The following ERRFI1 variants were observed in gnomAD, a reference collection of about 807,000 sequenced individuals.
ERRFI1 encodes the protein ERBB receptor feedback inhibitor 1.
A neutral mutation model predicts 14.6 loss-of-function variants in ERRFI1; 12 were observed. That is an observed-to-expected ratio of 0.82 (90% CI 0.53 to 1.33). The LOEUF (loss-of-function observed/expected upper bound fraction) is 1.33. Among genes scored for constraint, ERRFI1 ranks in the 40% most tolerant of loss-of-function variants. The pLI is 0.00. For missense variants in ERRFI1, 482 were observed against 572.1 expected, an observed-to-expected ratio of 0.84 and a Z score of 1.61; for synonymous variants, 202 against 209.9, an observed-to-expected ratio of 0.96 and a Z score of 0.32.
intron 1 of ERRFI1, among the ~76,000 whole-genome samples, chr1:8,025,799 C>CG (rs923825162): frequency 5.9e-5 from 9 of 152,162 alleles, no homozygotes; most frequent in African/African-American, 2.2e-4. Context: ...CCCGGTGCTG[C>CG]GGGGACGTAT....
intron 1 of ERRFI1, among the ~76,000 whole-genome samples, chr1:8,018,112 T>G (rs572706094): frequency 6.6e-6 from 1 of 152,196 alleles, no homozygotes; most frequent in African/African-American, 2.4e-5. Flanking sequence ...AATGGGGAAT[T>G]GTGAATGGGC....
rs956039912 is a variant in ERRFI1, at chr1:8,013,004, T to A, written c.*206A>T. 5 of 557,228 alleles carry A rather than the reference T, an allele frequency of 9.0e-6. No individual in the cohort carries two copies. The highest frequency in any genetic ancestry group is 5.9e-5 in the East Asian group (2 of 33,870). The allele number at this position is 557,228 out of a possible 1,614,324, so 34.5% of individuals were successfully genotyped here. ...ACCATCACATCTTTAAATTATAGAC[T>A]TGTAAGACTTTTTTCCAACACTAAC... On this transcript the variant is annotated 3_prime_UTR_variant, in exon 4 of 4. Coordinates refer to ENST00000377482, the MANE Select transcript of ERRFI1 (RefSeq NM_018948.4). The surrounding 1 kb of genome is among the most constrained non-coding windows in gnomAD (Gnocchi z 4.3).
intron 1 of ERRFI1, among the ~76,000 whole-genome samples, chr1:8,016,329 T>C (rs1046121992): frequency 1.4e-4 from 21 of 152,174 alleles, no homozygotes; most frequent in African/African-American, 5.1e-4. Context: ...CTAATTTCCA[T>C]TATCCTGTAA....
intron 3 of ERRFI1, chr1:8,014,656 C>T: frequency 2.3e-6 from 1 of 443,818 alleles, no homozygotes; most frequent in South Asian, 5.1e-5. Flanking sequence ...ACCCACACAT[C>T]ACAGGCAAGT....
At chr1:8,014,674 C>T (rs987421953) in intron 3 of ERRFI1, 19 of 410,858 alleles carry the variant, frequency 4.6e-5, no homozygotes, top group South Asian at 1.7e-4. Flanking sequence ...AGTTTTGTGA[C>T]GTGTGTAAAA....
Position 8,013,890 on chromosome 1 carries a change from G to A in ERRFI1, c.709C>T (p.Pro237Ser). 6.2e-7 allele frequency: 1 copy of A among 1,614,058 alleles called. No homozygotes were observed. Among genetic ancestry groups the A allele is most frequent in the African/African-American group, 1.3e-5 (1 of 75,018 alleles). The stretch of plus-strand genomic sequence containing the variant: ...CTTCGGTGGGTCTGAGGTGGAGGAG[G>A]ATTTGGATCTGGGACACCTCCATTT... ...DQNGGVPDPN[P>S]PPPQTHRRLR... Residue 237 changes from proline (P) to serine (S), a missense_variant, in exon 4 of 4, where the codon CCT (proline) becomes TCT (serine). Coordinates refer to ENST00000377482, the MANE Select transcript of ERRFI1 (RefSeq NM_018948.4). This position sits in a 1 kb window ranked among gnomAD's most constrained non-coding sequence, Gnocchi z 4.3.
At position 8,012,378 on chromosome 1, in the gene ERRFI1, T is replaced by C. The variant is rs1007609809; in HGVS notation, c.*832A>G. The C allele has an allele frequency of 1.1e-4, 26 of 231,002 alleles. No homozygotes were observed. Among genetic ancestry groups the C allele is most frequent in the Non-Finnish European group, 2.1e-4 (24 of 116,370 alleles). The allele number at this position is 231,002 out of a possible 1,614,324, so 14.3% of individuals were successfully genotyped here. ...CTAACACTGGCACCTAGAATACTTT[T>C]CCATCTGAGTCTAACGTACCCCACT... On this transcript the variant is annotated 3_prime_UTR_variant, in exon 4 of 4. Transcript: ENST00000377482.
chr1:8,019,523 T>C (rs1641247405), intron 1 of ERRFI1, among the ~76,000 whole-genome samples: 1 of 152,208 alleles, frequency 6.6e-6, no homozygotes, highest in African/African-American at 2.4e-5. Context: ...TGATTTATGC[T>C]TTCCCCCTGT....
chr1:8,024,052 CCT>C (rs1247134116), intron 1 of ERRFI1, among the ~76,000 whole-genome samples: 1 of 152,170 alleles, frequency 6.6e-6, no homozygotes, highest in African/African-American at 2.4e-5. Flanking sequence ...TGGAGTTACC[CCT>C]GACACCTCCT....
chr1:8,013,121 T>G lies in ERRFI1; in HGVS notation c.*89A>C. ...AGTTCAACTATTTTATTTTGCAATCTAAGGGATTTTTCTCTGCACTTCAAT... is the reference window on the plus strand; with the variant it reads ...AGTTCAACTATTTTATTTTGCAATCGAAGGGATTTTTCTCTGCACTTCAAT... On this transcript the variant is annotated 3_prime_UTR_variant, in exon 4 of 4. Transcript: ENST00000377482. This position sits in a 1 kb window ranked among gnomAD's most constrained non-coding sequence, Gnocchi z 4.3. 1 of 1,144,014 alleles carries G rather than the reference T, an allele frequency of 8.7e-7. No individual in the cohort carries two copies. The highest frequency in any genetic ancestry group is 1.6e-5 in the South Asian group (1 of 63,418). The allele number at this position is 1,144,014 out of a possible 1,614,324, so 70.9% of individuals were successfully genotyped here. A position where few individuals can be genotyped will look rare whatever the true frequency, so the allele number is the denominator to read the frequency against.
chr1:8,019,183 T>C (rs1375726734), intron 1 of ERRFI1, among the ~76,000 whole-genome samples: 1 of 152,190 alleles, frequency 6.6e-6, no homozygotes, highest in Non-Finnish European at 1.5e-5. Flanking sequence ...ACAACACTAG[T>C]ACCAAGTCAA....
intron 1 of ERRFI1, among the ~76,000 whole-genome samples, chr1:8,025,744 G>C (rs1007592960): frequency 3.3e-5 from 5 of 151,960 alleles, no homozygotes; most frequent in Non-Finnish European, 7.4e-5. Context: ...GCGGGACGAG[G>C]ACCTTCATGC....
At chr1:8,017,647 A>G in intron 1 of ERRFI1, among the ~76,000 whole-genome samples, 1 of 152,232 alleles carries the variant, frequency 6.6e-6, no homozygotes, top group Non-Finnish European at 1.5e-5. Context: ...CTGTGGTAAT[A>G]TAAAAATGAA....
intron 1 of ERRFI1, among the ~76,000 whole-genome samples, chr1:8,024,759 T>G (rs888277462): frequency 7.2e-5 from 11 of 152,226 alleles, no homozygotes; most frequent in African/African-American, 2.7e-4. Context: ...CTTGATAACA[T>G]ATTGGTAACC....
chr1:8,015,873 G>A (rs1166649842), intron 1 of ERRFI1, among the ~76,000 whole-genome samples, 181 bp from the exon 2 acceptor site: 2 of 152,166 alleles, frequency 1.3e-5, no homozygotes, highest in Non-Finnish European at 2.9e-5. Context: ...CACTAAAAAT[G>A]ATTTTTTGTG....
rs1641103382 is a variant in ERRFI1 at position 8,012,692 on chromosome 1, T to C, written c.*518A>G. 8.7e-6 allele frequency: 2 copies of C among 230,048 alleles called. No individual in the cohort carries two copies. The highest frequency in any genetic ancestry group is 3.6e-4 in the South Asian group (2 of 5,536). 14.3% of individuals were successfully genotyped at this position (230,048 alleles called of 1,614,324 possible). ...GGAAAAGATTGCCTGCAAAAATAAATGGAACAAAATAGAAAAGGCCTAAAA... is the reference window on the plus strand; with the variant it reads ...GGAAAAGATTGCCTGCAAAAATAAACGGAACAAAATAGAAAAGGCCTAAAA... On this transcript the variant is annotated 3_prime_UTR_variant, in exon 4 of 4. Coordinates refer to ENST00000377482, the MANE Select transcript of ERRFI1 (RefSeq NM_018948.4).
chr1:8,014,527 G>A (rs1266265241), intron 3 of ERRFI1, 131 bp from the exon 4 acceptor site: 7 of 806,352 alleles, frequency 8.7e-6, no homozygotes, highest in South Asian at 3.6e-5. Context: ...CTGTCACCCC[G>A]AGAACACCCA....
At position 8,026,170 on chromosome 1, in the gene ERRFI1, G is replaced by A. The variant is rs993538787; in HGVS notation, c.-86C>T. The A allele has an allele frequency of 1.3e-5, 2 of 151,852 alleles. No homozygotes were observed. Among genetic ancestry groups the A allele is most frequent in the African/African-American group, 4.8e-5 (2 of 41,396 alleles). The allele number at this position is 151,852 out of a possible 1,614,324, so 9.4% of individuals were successfully genotyped here. A position where few individuals can be genotyped will look rare whatever the true frequency, so the allele number is the denominator to read the frequency against. ...CCAGGCCCCTTACCCCGGAGGAGCG[G>A]CGGCTGCCCCGCGGCGCCCTCCCGC... On this transcript the variant is annotated 5_prime_UTR_variant, in exon 1 of 4. Coordinates refer to ENST00000377482, the MANE Select transcript of ERRFI1 (RefSeq NM_018948.4).
At chr1:8,018,716 T>A (rs1270022826) in intron 1 of ERRFI1, among the ~76,000 whole-genome samples, 1 of 152,178 alleles carries the variant, frequency 6.6e-6, no homozygotes, top group Admixed American at 6.5e-5. Flanking sequence ...AATACCAAAT[T>A]TCAGATGTGA....
Sources: allele counts gnomAD v4.1 joint callset (sites outside exome capture counted in the v4.1 genomes callset), GRCh38; gene constraint gnomAD v4.1.1; non-coding constraint Gnocchi (gnomAD v3.1); transcripts MANE v1.5; gene names NCBI Gene and HGNC (gene_info 2026-07-23, HGNC 2026-07-21).